ZFAND3: variants seen among roughly 807,000 people sequenced by gnomAD.
ZFAND3 encodes the protein AN1-type zinc finger protein 3.
A neutral mutation model predicts 29.6 loss-of-function variants in ZFAND3; 10 were observed. The ratio of observed to expected loss-of-function variants is 0.34; its 90% confidence interval spans 0.21 to 0.57. ZFAND3 has a LOEUF of 0.57. Ranked by LOEUF, ZFAND3 falls within the 20% of genes least tolerant of loss-of-function variation. The pLI, the probability that ZFAND3 is intolerant of heterozygous loss-of-function variation, is 0.86. For missense variants in ZFAND3, 230 were observed against 304.5 expected (o/e 0.76, Z 1.82); for synonymous variants, 128 against 112.6 (o/e 1.14, Z -0.87).
chr6:37,974,475 C>A (rs1371613104), intron 2 of ZFAND3, among the ~76,000 whole-genome samples: 1 of 149,290 alleles, frequency 6.7e-6, no homozygotes, highest in African/African-American at 2.5e-5. Context: ...CGTGATCACA[C>A]CTCACTGCAG....
At chr6:37,924,808 C>T (rs1194292066) in intron 1 of ZFAND3, among the ~76,000 whole-genome samples, 3 of 151,560 alleles carry the variant, frequency 2.0e-5, no homozygotes, top group African/African-American at 7.3e-5. Context: ...GAATGAGACC[C>T]AGTCTCAAAA....
intron 2 of ZFAND3, among the ~76,000 whole-genome samples, chr6:38,059,002 G>A (rs1194423557): frequency 6.6e-6 from 1 of 152,136 alleles, no homozygotes; most frequent in South Asian, 2.1e-4. Flanking sequence ...CCTCTGGTTC[G>A]AATGCTATGT....
chr6:38,140,430 G>C (rs906244038), intron 5 of ZFAND3, among the ~76,000 whole-genome samples: 18 of 152,188 alleles, frequency 1.2e-4, no homozygotes, highest in African/African-American at 3.9e-4. Context: ...CTTTCTAGAG[G>C]TTCTAAGTGA....
At chr6:37,997,530 C>T (rs1427574809) in intron 2 of ZFAND3, among the ~76,000 whole-genome samples, 2 of 152,182 alleles carry the variant, frequency 1.3e-5, no homozygotes, top group Non-Finnish European at 2.9e-5. Context: ...TAGTTCATAT[C>T]ACTAGAGAGC....
intron 1 of ZFAND3, among the ~76,000 whole-genome samples, chr6:37,875,009 G>T (rs1764766148): frequency 6.6e-6 from 1 of 152,184 alleles, no homozygotes; most frequent in African/African-American, 2.4e-5. Flanking sequence ...ACAAAGGCCT[G>T]TGTAGATGTA....
chr6:38,013,564 C>G (rs1763198743), intron 2 of ZFAND3, among the ~76,000 whole-genome samples: 1 of 152,166 alleles, frequency 6.6e-6, no homozygotes, highest in African/African-American at 2.4e-5. Context: ...TTGGAAGCTT[C>G]TACCTGCCTC....
intron 4 of ZFAND3, among the ~76,000 whole-genome samples, chr6:38,102,560 G>A (rs187455514): frequency 2.6e-5 from 4 of 152,210 alleles, no homozygotes; most frequent in East Asian, 1.9e-4. Flanking sequence ...AGCATTATTC[G>A]AAGACTTCTA....
intron 1 of ZFAND3, among the ~76,000 whole-genome samples, chr6:37,822,660 C>G (rs568403881): frequency 6.6e-6 from 1 of 152,244 alleles, no homozygotes; most frequent in Non-Finnish European, 1.5e-5. Context: ...GGAGGGGCAC[C>G]TACCCTAGCT....
At chr6:37,832,677 C>G (rs1297059759) in intron 1 of ZFAND3, among the ~76,000 whole-genome samples, 2 of 152,012 alleles carry the variant, frequency 1.3e-5, no homozygotes, top group Non-Finnish European at 2.9e-5. Context: ...TTCCCTCCCC[C>G]TCTCCCCTCT....
At chr6:38,051,499 G>A in intron 2 of ZFAND3, among the ~76,000 whole-genome samples, 1 of 152,196 alleles carries the variant, frequency 6.6e-6, no homozygotes, top group African/African-American at 2.4e-5. Flanking sequence ...TGCCATTGGA[G>A]TAATTCATGA....
intron 1 of ZFAND3, among the ~76,000 whole-genome samples, chr6:37,863,214 C>T (rs1764526139): frequency 6.6e-6 from 1 of 152,236 alleles, no homozygotes; most frequent in Non-Finnish European, 1.5e-5. Flanking sequence ...GGCAAGTCTG[C>T]AACTCCCTGC....
chr6:37,830,484 G>C (rs998507343), intron 1 of ZFAND3, among the ~76,000 whole-genome samples: 2 of 152,220 alleles, frequency 1.3e-5, no homozygotes, highest in African/African-American at 4.8e-5. Flanking sequence ...AAGTGCTAAT[G>C]ATCACAGGAT....
intron 3 of ZFAND3, among the ~76,000 whole-genome samples, chr6:38,081,053 A>T (rs947638595): frequency 2.6e-5 from 4 of 152,148 alleles, no homozygotes; most frequent in African/African-American, 7.2e-5. Flanking sequence ...TCCTCATTAC[A>T]TATAGCCTTT....
At chr6:37,943,483 AC>A (rs924804935) in intron 2 of ZFAND3, among the ~76,000 whole-genome samples, 1 of 152,072 alleles carries the variant, frequency 6.6e-6, no homozygotes, top group Non-Finnish European at 1.5e-5. Flanking sequence ...GTTTTCCTTA[AC>A]TCATATGTTT....
At chr6:37,931,358 A>C (rs1761591228) in intron 2 of ZFAND3, among the ~76,000 whole-genome samples, 1 of 152,128 alleles carries the variant, frequency 6.6e-6, no homozygotes, top group South Asian at 2.1e-4. Context: ...CATCCTAGGG[A>C]GGTAACCTTG....
At chr6:37,975,122 A>G (rs1353982403) in intron 2 of ZFAND3, among the ~76,000 whole-genome samples, 1 of 152,214 alleles carries the variant, frequency 6.6e-6, no homozygotes, top group African/African-American at 2.4e-5. Context: ...TGGAAGTTTC[A>G]GTTCCTCCAT....
intron 1 of ZFAND3, among the ~76,000 whole-genome samples, chr6:37,872,981 A>G (rs887791168): frequency 3.3e-5 from 5 of 152,234 alleles, no homozygotes; most frequent in African/African-American, 9.6e-5. Flanking sequence ...AATTGGGGCC[A>G]GGTGTGGTGG....
chr6:37,880,548 C>G (rs546841906), intron 1 of ZFAND3, among the ~76,000 whole-genome samples: 1 of 152,066 alleles, frequency 6.6e-6, no homozygotes, highest in African/African-American at 2.4e-5. Flanking sequence ...CCCTCTGAAC[C>G]AAATTTTTAA....
chr6:38,103,436 CACGTGTATATATATACACACA>C (rs770011652), intron 4 of ZFAND3, among the ~76,000 whole-genome samples: 9,578 of 89,948 alleles, frequency 0.11, 418 homozygotes, highest in Middle Eastern at 0.14. Flanking sequence ...CATATATATA[CACGTGTATATATATACACACA>C]TATATACACG....
Sources: gnomAD v4.1 joint callset for allele counts (sites outside exome capture counted in the v4.1 genomes callset) on GRCh38, gnomAD v4.1.1 for gene constraint, MANE v1.5 for transcripts, NCBI Gene and HGNC (gene_info 2026-07-23, HGNC 2026-07-21) for gene names.